The following CUBN variants were observed in gnomAD, a reference collection of about 807,000 sequenced individuals.
CUBN encodes cubilin.
A neutral mutation model predicts 405.3 loss-of-function variants in CUBN; 282 were observed. That is an observed-to-expected ratio of 0.70 (90% CI 0.63 to 0.77). The LOEUF is 0.77. Among genes scored for constraint, CUBN ranks in the 30% least tolerant of loss-of-function variants. CUBN has a pLI of 0.00. For synonymous variants in CUBN, 1,684 were observed against 1,617.0 expected (o/e 1.04, Z -0.99); for missense variants, 4,514 against 4,475.2 (o/e 1.01, Z -0.25).
In CUBN at chr10:17,071,941, C is replaced by A. The variant is rs1372763327; in HGVS notation, c.2332G>T (p.Val778Phe). 5.6e-6 allele frequency: 9 copies of A among 1,612,828 alleles called. No homozygotes were observed. Among genetic ancestry groups the A allele is most frequent in the Non-Finnish European group, 7.6e-6 (9 of 1,179,596 alleles). Residue 778 changes from valine (V) to phenylalanine (F), a missense_variant, in exon 18 of 67, where the codon GTC (valine) becomes TTC (phenylalanine). Transcript: ENST00000377833. ...TGAGAGATGGTTCCGTTGCCACAGA[C>A]TTTTCCAAGTAAGGTTTCACCATCT... ...VRDGETLLGK[V>F]CGNGTISHIK...
At chr10:17,054,198 G>A (rs1226716547) in intron 22 of CUBN, among the ~76,000 whole-genome samples, 1 of 151,826 alleles carries the variant, frequency 6.6e-6, no homozygotes, top group East Asian at 1.9e-4. Flanking sequence ...AGGCATGGTG[G>A]CGAGCGCCTG....
At chr10:16,915,261 T>A (rs558893197) in intron 46 of CUBN, 89 bp from the exon 47 acceptor site, 3 of 1,530,440 alleles carry the variant, frequency 2.0e-6, no homozygotes, top group Non-Finnish European at 1.8e-6. Context: ...ACAAAGAAAA[T>A]AATAAAAAAC....
At chr10:17,037,381 AT>A (rs1398474358) in intron 27 of CUBN, among the ~76,000 whole-genome samples, 1 of 152,210 alleles carries the variant, frequency 6.6e-6, no homozygotes, top group Non-Finnish European at 1.5e-5. Context: ...ATTAGGAAAA[AT>A]ATCTCTGTTT....
intron 2 of CUBN, 45 bp downstream of exon 2, chr10:17,129,076 T>C: frequency 6.6e-7 from 1 of 1,515,800 alleles, no homozygotes; most frequent in Non-Finnish European, 9.2e-7. Context: ...TAAGTCACCG[T>C]ATATGGATAT....
intron 55 of CUBN, among the ~76,000 whole-genome samples, chr10:16,888,863 G>A (rs1208361062): frequency 2.0e-5 from 3 of 152,040 alleles, no homozygotes; most frequent in South Asian, 2.1e-4. Flanking sequence ...AAGGATAAAC[G>A]AGCAATGATA....
intron 31 of CUBN, among the ~76,000 whole-genome samples, chr10:16,981,443 A>AC (rs71377012): frequency 0.73 from 111,404 of 151,882 alleles, 43,698 homozygotes; most frequent in Non-Finnish European, 0.89. Context: ...GAACTTGGGT[A>AC]CCAAGAGGTC....
intron 59 of CUBN, among the ~76,000 whole-genome samples, chr10:16,869,316 C>T (rs1458740614): frequency 6.6e-6 from 1 of 151,946 alleles, no homozygotes; most frequent in East Asian, 1.9e-4. Context: ...CAGGCACACA[C>T]CACCATGCCC....
chr10:16,905,340 T>C (rs750547468), intron 50 of CUBN, among the ~76,000 whole-genome samples: 4 of 152,218 alleles, frequency 2.6e-5, no homozygotes, highest in Non-Finnish European at 5.9e-5. Context: ...GTTTTAAAAA[T>C]TCTTAAGAGA....
intron 4 of CUBN, among the ~76,000 whole-genome samples, chr10:17,126,385 A>G (rs1678953030): frequency 6.6e-6 from 1 of 152,208 alleles, no homozygotes; most frequent in South Asian, 2.1e-4. Flanking sequence ...TTCCGAGCTT[A>G]GCGTCAGAGA....
intron 24 of CUBN, 113 bp from the exon 25 acceptor site, chr10:17,045,301 G>T: frequency 1.0e-6 from 1 of 978,962 alleles, no homozygotes; most frequent in Non-Finnish European, 1.6e-6. Context: ...AAATTGCACA[G>T]CAAAATGGCA....
intron 31 of CUBN, among the ~76,000 whole-genome samples, chr10:16,963,983 T>G (rs920580856): frequency 2.0e-5 from 3 of 152,166 alleles, no homozygotes; most frequent in Non-Finnish European, 4.4e-5. Flanking sequence ...GGATCAATGA[T>G]AGGAGCATGT....
At position 16,831,081 on chromosome 10, in the gene CUBN, C is replaced by T. The variant is rs7088468; in HGVS notation, c.10528+171G>A. Among the ~76,000 whole-genome samples the T allele has an allele frequency of 0.23, 35,376 of 150,834 alleles. 4,861 individuals carry two copies. The highest frequency in any genetic ancestry group is 0.38 in the African/African-American group (15,637 of 41,142). The stretch of plus-strand genomic sequence containing the variant: ...CAGGCTGGATGACACAGCGAGATTC[C>T]ATTTCAAAAAAAAAAAAGTAATCTG... On this transcript the variant is annotated intron_variant, in intron 65 of 66. Coordinates refer to ENST00000377833, the MANE Select transcript of CUBN (RefSeq NM_001081.4).
intron 28 of CUBN, among the ~76,000 whole-genome samples, chr10:17,015,382 C>G (rs1024973271): frequency 6.6e-6 from 1 of 152,154 alleles, no homozygotes; most frequent in Non-Finnish European, 1.5e-5. Flanking sequence ...CTAATATATT[C>G]CTCCCTAATA....
chr10:17,102,255 AT>A (rs375187760), intron 13 of CUBN, among the ~76,000 whole-genome samples: 100 of 30,970 alleles, frequency 3.2e-3, no homozygotes, highest in Non-Finnish European at 6.2e-3. Context: ...GGATCCTCCT[AT>A]TTATTTATTT....
intron 41 of CUBN, 93 bp downstream of exon 41, chr10:16,928,064 G>A (rs994846661): frequency 4.2e-6 from 6 of 1,429,542 alleles, no homozygotes; most frequent in Non-Finnish European, 4.9e-6. Context: ...TTGTGTCCTG[G>A]TGCCCAAAAA....
Position 16,899,096 on chromosome 10 carries a change from CA to C in CUBN, c.8497del (p.Trp2833GlyfsTer20), listed in dbSNP as rs1564411015. ...TTTACTTTTGTGAGTAATGGCCGTC[CA>C]GGAACATCTGCTGTTTTCGGGAAAA... Reference protein sequence around the residue: ...QNFPENSRCSWTAITHKSKHL... With the variant: ...QNFPENSRCSXTAITHKSKHL... On this transcript the variant is annotated frameshift_variant, in exon 54 of 67. Transcript: ENST00000377833. LOFTEE classifies it high-confidence loss of function. 1.9e-6 allele frequency: 3 copies of C among 1,613,620 alleles called. No individual in the cohort carries two copies. The highest frequency in any genetic ancestry group is 2.5e-6 in the Non-Finnish European group (3 of 1,179,538).
rs543725000 is a variant in CUBN at position 16,906,327 on chromosome 10, G to T, written c.7788C>A (p.Asn2596Lys). Residue 2596 changes from asparagine (N) to lysine (K), a missense_variant, in exon 50 of 67, where the codon AAC (asparagine) becomes AAA (lysine). By Grantham distance (94) the Asn-to-Lys change is moderately conservative. This residue lies in a region of CUBN where 1,613 missense variants were observed against 1,542.8 expected (regional missense o/e 1.05). Transcript: ENST00000377833. Reference sequence around the variant, plus strand: ...TGCTGAGAGTCCATTCGCAGTTCAGGTTTCTTGAGTAATTCCTGACTCCGT... The same window carrying T: ...TGCTGAGAGTCCATTCGCAGTTCAGTTTTCTTGAGTAATTCCTGACTCCGT... ...GYDGVRNYSR[N>K]LNCEWTLSNP... 5.3e-5 allele frequency: 86 copies of T among 1,614,046 alleles called. 1 individual carries two copies. In the South Asian group the frequency reaches 9.0e-4, roughly 17 times the overall value.
intron 28 of CUBN, among the ~76,000 whole-genome samples, chr10:17,009,530 A>G (rs1834120701): frequency 6.6e-6 from 1 of 152,232 alleles, no homozygotes; most frequent in Non-Finnish European, 1.5e-5. Flanking sequence ...TGGGCTAGTA[A>G]GGCTAGAACA....
intron 56 of CUBN, among the ~76,000 whole-genome samples, chr10:16,886,076 T>C (rs1840804354): frequency 6.6e-6 from 1 of 152,226 alleles, no homozygotes; most frequent in African/African-American, 2.4e-5. Context: ...ATGGGCATCT[T>C]TTTATGGTAC....
Sources: allele counts gnomAD v4.1 joint callset (sites outside exome capture counted in the v4.1 genomes callset), GRCh38; gene constraint gnomAD v4.1.1; regional missense constraint gnomAD v4.1.1; transcripts MANE v1.5; gene names NCBI Gene and HGNC (gene_info 2026-07-23, HGNC 2026-07-21).